The following PRKN variants were observed in gnomAD, a reference collection of about 807,000 sequenced individuals.
The protein encoded by PRKN is parkin RBR E3 ubiquitin protein ligase.
Under a neutral mutation model 59.5 loss-of-function variants are expected in PRKN, and 56 were observed. The observed-to-expected ratio is 0.94, with a 90% CI of 0.76 to 1.18. PRKN has a LOEUF of 1.18. Among genes scored for constraint, PRKN ranks in the 50% most tolerant of loss-of-function variants. PRKN has a pLI of 0.00. For missense variants in PRKN, 657 were observed against 596.4 expected, an observed-to-expected ratio of 1.10 and a Z score of -1.06; for synonymous variants, 250 against 222.1, an observed-to-expected ratio of 1.13 and a Z score of -1.12.
At chr6:161,865,882 G>A (rs1794092058) in intron 6 of PRKN, among the ~76,000 whole-genome samples, 2 of 152,120 alleles carry the variant, frequency 1.3e-5, no homozygotes. Flanking sequence ...TCACAACTTG[G>A]ATAACTTATT....
rs141894843 is a variant in PRKN at position 162,369,878 on chromosome 6, C to A, written c.171+73432G>T. Among the ~76,000 whole-genome samples, 1,144 of 152,214 alleles carry A rather than the reference C, an allele frequency of 7.5e-3. 8 individuals are homozygous for A. The highest frequency in any genetic ancestry group is 0.011 in the Non-Finnish European group (762 of 68,006). The stretch of plus-strand genomic sequence containing the variant: ...GTTAGCCAACCCTGAAGGTATCCTG[C>A]CTCAAGACTTGTGGCTATTTGGAAA... On this transcript the variant is annotated intron_variant, in intron 2 of 11. Transcript: ENST00000366898.
intron 1 of PRKN, among the ~76,000 whole-genome samples, chr6:162,547,494 G>A (rs752244398): frequency 3.3e-5 from 5 of 152,146 alleles, no homozygotes; most frequent in Non-Finnish European, 7.4e-5. Flanking sequence ...ATTGAAGTAG[G>A]CAGCAATTCT....
At chr6:162,214,398 T>C (rs1777546294) in intron 3 of PRKN, among the ~76,000 whole-genome samples, 1 of 152,184 alleles carries the variant, frequency 6.6e-6, no homozygotes, top group Admixed American at 6.5e-5. Flanking sequence ...TGGTTCTCTC[T>C]GTGTAGTTGG....
intron 7 of PRKN, among the ~76,000 whole-genome samples, chr6:161,777,385 T>C (rs1789967543): frequency 6.6e-6 from 1 of 152,050 alleles, no homozygotes. Context: ...TTCACCATCA[T>C]AATTTTGTCA....
intron 3 of PRKN, among the ~76,000 whole-genome samples, chr6:162,234,444 A>G (rs1160199727): frequency 2.0e-5 from 3 of 152,222 alleles, no homozygotes; most frequent in Non-Finnish European, 4.4e-5. Context: ...TTAGTTATAT[A>G]ACATAATATA....
chr6:161,399,874 GA>G lies in PRKN; in HGVS notation c.1084-12998del, dbSNP rs1786946751. On this transcript the variant is annotated intron_variant, in intron 9 of 11. Coordinates refer to ENST00000366898, the MANE Select transcript of PRKN (RefSeq NM_004562.3). This position sits in a 1 kb window ranked among gnomAD's most constrained non-coding sequence, Gnocchi z 4.4. Reference sequence around the variant, plus strand: ...TGGTCTAGTAGCTATATGAAAAGAGGAAAAAGAAACAAGTAAAATTAATTTC... The same window carrying G: ...TGGTCTAGTAGCTATATGAAAAGAGGAAAAGAAACAAGTAAAATTAATTTC... Among the ~76,000 whole-genome samples the G allele has an allele frequency of 6.6e-6, 1 of 151,706 alleles. No individual in the cohort carries two copies. The highest frequency in any genetic ancestry group is 6.6e-5 in the Admixed American group (1 of 15,220).
chr6:161,977,944 T>C (rs1789993), intron 5 of PRKN, among the ~76,000 whole-genome samples: 73,991 of 151,982 alleles, frequency 0.49, 18,210 homozygotes, highest in Middle Eastern at 0.58. Context: ...AGCGGACAAA[T>C]GACAGACCCA....
chr6:162,517,269 A>G lies in PRKN; in HGVS notation c.8-73796T>C, dbSNP rs191783887. On this transcript the variant is annotated intron_variant, in intron 1 of 11. Transcript: ENST00000366898. ...CAGGCATTTTTTTTTTTTTTTTGAG[A>G]CGGAGTCCCGCTCTGTCGCCCAGGC... Among the ~76,000 whole-genome samples the G allele has an allele frequency of 8.4e-3, 1,205 of 143,434 alleles. 4 individuals carry two copies. Among genetic ancestry groups the G allele is most frequent in the Non-Finnish European group, 0.014 (914 of 66,150 alleles). 94.1% of individuals were successfully genotyped at this position (143,434 alleles called of 152,430 possible).
chr6:161,870,042 C>A (rs116826121), intron 6 of PRKN, among the ~76,000 whole-genome samples: 22 of 152,160 alleles, frequency 1.4e-4, no homozygotes, highest in Admixed American at 1.3e-4. Flanking sequence ...AAATAAAATA[C>A]CAATCATCTA....
intron 2 of PRKN, among the ~76,000 whole-genome samples, chr6:162,406,090 T>G (rs1470282044): frequency 6.6e-6 from 1 of 152,244 alleles, no homozygotes; most frequent in Admixed American, 6.5e-5. Context: ...CAATTCACTT[T>G]GATTAATGAC....
intron 6 of PRKN, among the ~76,000 whole-genome samples, chr6:161,867,864 G>C (rs926319409): frequency 4.0e-5 from 6 of 151,696 alleles, no homozygotes; most frequent in African/African-American, 1.2e-4. Context: ...AGGTTCAAGC[G>C]ATTCTCCTGC....
At chr6:162,467,708 A>G (rs954385470) in intron 1 of PRKN, among the ~76,000 whole-genome samples, 15 of 151,466 alleles carry the variant, frequency 9.9e-5, no homozygotes, top group Admixed American at 3.3e-4. Context: ...AAAGGCCTCA[A>G]TGGCCTTCTA....
In PRKN at chr6:161,373,676, G is replaced by T. The variant is rs1785534436; in HGVS notation, c.1167+13118C>A. ...ATGGGCTACACCTCTGTGCTTGCGG[G>T]GTGCTGAGTTTAAACGGGCTATGCC... On this transcript the variant is annotated intron_variant, in intron 10 of 11. Transcript: ENST00000366898. The surrounding 1 kb of genome is among the most constrained non-coding windows in gnomAD (Gnocchi z 4.8). Among the ~76,000 whole-genome samples the T allele has an allele frequency of 6.6e-6, 1 of 151,740 alleles. No individual in the cohort carries two copies. Among genetic ancestry groups the T allele is most frequent in the African/African-American group, 2.4e-5 (1 of 41,276 alleles).
At chr6:162,156,359 A>G (rs1458743335) in intron 4 of PRKN, among the ~76,000 whole-genome samples, 2 of 152,174 alleles carry the variant, frequency 1.3e-5, no homozygotes, top group Non-Finnish European at 2.9e-5. Flanking sequence ...GTGAAATCCC[A>G]CAATAGGCCA....
At chr6:161,602,938 G>A (rs748525658) in intron 7 of PRKN, among the ~76,000 whole-genome samples, 15 of 152,116 alleles carry the variant, frequency 9.9e-5, no homozygotes, top group Non-Finnish European at 2.1e-4. Flanking sequence ...ACTGATAATG[G>A]TACTAATAAA....
At chr6:161,793,640 T>C (rs1304630887) in intron 6 of PRKN, among the ~76,000 whole-genome samples, 8 of 151,840 alleles carry the variant, frequency 5.3e-5, no homozygotes, top group Non-Finnish European at 1.5e-5. Flanking sequence ...TTATTCATAG[T>C]GTGGTAAGCA....
intron 2 of PRKN, among the ~76,000 whole-genome samples, chr6:162,323,979 T>A (rs1056765545): frequency 2.0e-5 from 3 of 152,048 alleles, no homozygotes; most frequent in African/African-American, 7.2e-5. Flanking sequence ...GCCAAAAATG[T>A]GATAAAAACA....
chr6:162,428,140 G>C (rs531714567), intron 2 of PRKN, among the ~76,000 whole-genome samples: 2 of 152,232 alleles, frequency 1.3e-5, no homozygotes, highest in African/African-American at 4.8e-5. Context: ...TCTTTGACTT[G>C]TAATGGAAAT....
At position 162,152,527 on chromosome 6, in the gene PRKN, A is replaced by G. The variant is rs114323792; in HGVS notation, c.534+48604T>C. On this transcript the variant is annotated intron_variant, in intron 4 of 11. Coordinates refer to ENST00000366898, the MANE Select transcript of PRKN (RefSeq NM_004562.3). ...TTGAAATGACCAAGGCATCAGGAAC[A>G]GTAGTTTACAGTTCTTCCACATGCA... 9.0e-3 allele frequency among the ~76,000 whole-genome samples: 1,367 copies of G among 152,350 alleles called. 25 individuals are homozygous for G. The highest frequency in any genetic ancestry group is 0.031 in the African/African-American group (1,290 of 41,576).
Sources: gnomAD v4.1 joint callset for allele counts (sites outside exome capture counted in the v4.1 genomes callset) on GRCh38, gnomAD v4.1.1 for gene constraint, Gnocchi (gnomAD v3.1) non-coding constraint, MANE v1.5 for transcripts, NCBI Gene and HGNC (gene_info 2026-07-23, HGNC 2026-07-21) for gene names.